RNF220: variants seen among roughly 807,000 people sequenced by gnomAD.
RNF220 encodes the protein ring finger protein 220, also known as E3 ubiquitin-protein ligase RNF220.
Under a neutral mutation model 67.1 loss-of-function variants are expected in RNF220, and 7 were observed. The observed-to-expected ratio is 0.10, with a 90% CI of 0.06 to 0.20. RNF220 has a LOEUF of 0.20. Among genes scored for constraint, RNF220 ranks in the 10% least tolerant of loss-of-function variants. The probability of loss-of-function intolerance (pLI) is 1.00; values close to 1 mark genes in which losing one functional copy is unlikely to be tolerated. For missense variants in RNF220, 565 were observed against 740.3 expected (o/e 0.76, Z 2.75); for synonymous variants, 270 against 283.2 (o/e 0.95, Z 0.47).
chr1:44,405,210 T>TGCGC (rs1000274856), upstream of RNF220: 4 of 341,862 alleles, frequency 1.2e-5, no homozygotes, highest in African/African-American at 8.8e-5. Context: ...CGTGTGTGTG[T>TGCGC]GCGCGCGTGT....
intron 2 of RNF220, among the ~76,000 whole-genome samples, chr1:44,487,488 G>A (rs1656416303): frequency 6.6e-6 from 1 of 151,426 alleles, no homozygotes; most frequent in South Asian, 2.1e-4. Flanking sequence ...AATTTAGGAT[G>A]GAGATAAAGG....
At chr1:44,554,574 C>T (rs1662922696) in intron 2 of RNF220, among the ~76,000 whole-genome samples, 1 of 152,110 alleles carries the variant, frequency 6.6e-6, no homozygotes, top group Admixed American at 6.6e-5. Context: ...AAGGGGATCC[C>T]ATTGATCTGG....
intron 2 of RNF220, among the ~76,000 whole-genome samples, chr1:44,437,810 C>T (rs899860910): frequency 1.3e-5 from 2 of 152,212 alleles, no homozygotes; most frequent in African/African-American, 4.8e-5. Context: ...CTCAAAACCA[C>T]AGATGAGTTC....
intron 8 of RNF220, among the ~76,000 whole-genome samples, chr1:44,641,045 ATTTT>A (rs200916075): frequency 1.3e-5 from 2 of 150,198 alleles, no homozygotes; most frequent in African/African-American, 2.5e-5. Flanking sequence ...ATTAACACTG[ATTTT>A]TTTTTTCTCC....
chr1:44,548,396 A>G (rs913280234), intron 2 of RNF220, among the ~76,000 whole-genome samples: 16 of 152,128 alleles, frequency 1.1e-4, no homozygotes, highest in African/African-American at 2.7e-4. Context: ...GCCTCCTAGC[A>G]TTTGCACACA....
At chr1:44,462,795 G>A (rs996627882) in intron 2 of RNF220, among the ~76,000 whole-genome samples, 3 of 151,960 alleles carry the variant, frequency 2.0e-5, no homozygotes, top group African/African-American at 7.3e-5. Context: ...TTGAGAGGCC[G>A]AGGTGGGCAG....
rs746902232 is a variant in RNF220, at chr1:44,649,687, C to T, written c.1472C>T (p.Thr491Met). The T allele has an allele frequency of 1.4e-5, 22 of 1,613,986 alleles. No homozygotes were observed. Among genetic ancestry groups the T allele is most frequent in the Non-Finnish European group, 1.5e-5 (18 of 1,179,940 alleles). The change falls in exon 13 of 15, where the codon ACG becomes ATG. Residue 491 changes from threonine to methionine, a missense_variant. Transcript: ENST00000361799. This position sits in a 1 kb window ranked among gnomAD's most constrained non-coding sequence, Gnocchi z 5.9. Reference protein sequence around the residue: ...EKITEDSAVTTFEALKARVRE... With the variant: ...EKITEDSAVTMFEALKARVRE... ...ATCACCGAAGATTCAGCTGTGACCA[C>T]GTTTGAGGCTCTGAAGGCTCGGGTC...
chr1:44,626,500 G>C, intron 5 of RNF220, 102 bp downstream of exon 5: 1 of 900,296 alleles, frequency 1.1e-6, no homozygotes, highest in Non-Finnish European at 1.8e-6. Context: ...TAGGCCACAG[G>C]AGAGGCCTGA....
chr1:44,427,720 G>C (rs763704453), intron 2 of RNF220, among the ~76,000 whole-genome samples: 5 of 152,140 alleles, frequency 3.3e-5, no homozygotes, highest in Non-Finnish European at 5.9e-5. Context: ...CATTTCCTCA[G>C]GATAAAGTGG....
intron 5 of RNF220, among the ~76,000 whole-genome samples, chr1:44,628,338 T>C (rs1644017869): frequency 6.6e-6 from 1 of 152,224 alleles, no homozygotes; most frequent in African/African-American, 2.4e-5. Flanking sequence ...TCCTAGAGAC[T>C]ATGAGGAAAG....
At chr1:44,587,516 G>A (rs1261167116) in intron 2 of RNF220, among the ~76,000 whole-genome samples, 1 of 152,182 alleles carries the variant, frequency 6.6e-6, no homozygotes, top group Non-Finnish European at 1.5e-5. Flanking sequence ...GGGGTGGAAA[G>A]AGATGGGGAA....
At chr1:44,479,217 G>C (rs1226312461) in intron 2 of RNF220, among the ~76,000 whole-genome samples, 1 of 151,288 alleles carries the variant, frequency 6.6e-6, no homozygotes, top group African/African-American at 2.4e-5. Context: ...CCGGGTTCAC[G>C]CCATTCTCCT....
At chr1:44,502,896 G>C (rs931327377) in intron 2 of RNF220, among the ~76,000 whole-genome samples, 22 of 152,050 alleles carry the variant, frequency 1.4e-4, no homozygotes, top group African/African-American at 5.3e-4. Context: ...CTCTCCAGTA[G>C]CTGGGACTAT....
chr1:44,486,017 G>A (rs1232235575), intron 2 of RNF220, among the ~76,000 whole-genome samples: 2 of 152,202 alleles, frequency 1.3e-5, no homozygotes, highest in Non-Finnish European at 2.9e-5. Context: ...GAGCTATGCT[G>A]TGTCATTTTA....
Position 44,412,558 on chromosome 1 carries a change from G to A in RNF220, c.461G>A (p.Arg154His), listed in dbSNP as rs1291731673. ...CATGACACAGAGTCTCCCCACTTGC[G>A]CTTCTCAGATGCAGATGGCAAGGAA... ...NCHDTESPHLRFSDADGKEYD... is the reference protein window; with the variant it reads ...NCHDTESPHLHFSDADGKEYD... The change falls in exon 2 of 15, where the codon CGC becomes CAC. Residue 154 changes from arginine to histidine, a missense_variant. Physicochemically the swap from Arg to His is conservative, Grantham distance 29. Coordinates refer to ENST00000361799, the MANE Select transcript of RNF220 (RefSeq NM_018150.4). This position sits in a 1 kb window ranked among gnomAD's most constrained non-coding sequence, Gnocchi z 5.3. 13 of 1,614,148 alleles carry A rather than the reference G, an allele frequency of 8.1e-6. No homozygotes were observed. Among genetic ancestry groups the A allele is most frequent in the South Asian group, 1.1e-5 (1 of 91,080 alleles).
At chr1:44,644,448 A>T in intron 8 of RNF220, 5 of 465,658 alleles carry the variant, frequency 1.1e-5, no homozygotes, top group Non-Finnish European at 1.9e-5. Context: ...ATAATATATG[A>T]ATGGGCTAGT....
At chr1:44,406,189 C>T (rs1647311446) in intron 1 of RNF220, among the ~76,000 whole-genome samples, 1 of 152,136 alleles carries the variant, frequency 6.6e-6, no homozygotes, top group African/African-American at 2.4e-5. Flanking sequence ...CCCGGGTGCT[C>T]GGCTGACTTT....
rs78632102 is a variant in RNF220, at chr1:44,562,731, C to T, written c.626-51434C>T. On this transcript the variant is annotated intron_variant, in intron 2 of 14. Transcript: ENST00000361799. ...GCAGGCACAGCTCCCTGTATGCCCT[C>T]GAGGGCTCTTTGGAAATTGTCACTG... Among the ~76,000 whole-genome samples, 30 of 152,108 alleles carry T rather than the reference C, an allele frequency of 2.0e-4. No homozygotes were observed. In the East Asian group the frequency reaches 5.6e-3, roughly 28 times the overall value.
rs780877861 is a variant in RNF220 at position 44,626,411 on chromosome 1, G to A, written c.906+13G>A. The A allele has an allele frequency of 6.2e-7, 1 of 1,605,382 alleles. No homozygotes were observed. Among genetic ancestry groups the A allele is most frequent in the Non-Finnish European group, 8.5e-7 (1 of 1,172,338 alleles). On this transcript the variant is annotated intron_variant, in intron 5 of 14. Transcript: ENST00000361799. ...AGACAGATACCAGGTGAGGAGGGGT[G>A]GTGAGTGGCCATGAGAAGCAAGCTC...
Sources: allele counts gnomAD v4.1 joint callset (sites outside exome capture counted in the v4.1 genomes callset), GRCh38; gene constraint gnomAD v4.1.1; non-coding constraint Gnocchi (gnomAD v3.1); transcripts MANE v1.5; gene names NCBI Gene and HGNC (gene_info 2026-07-23, HGNC 2026-07-21).